The following PCDHGB7 variants were observed in gnomAD, a reference collection of about 807,000 sequenced individuals.
PCDHGB7 encodes protocadherin gamma subfamily B, 7.
In PCDHGB7, 37 loss-of-function variants were observed where a neutral mutation model predicts 61.4. That is an observed-to-expected ratio of 0.60 (90% confidence interval 0.46 to 0.79). PCDHGB7 has a LOEUF of 0.79. Ranked by LOEUF, PCDHGB7 falls within the 30% of genes least tolerant of loss-of-function variation. The pLI, the probability that PCDHGB7 is intolerant of heterozygous loss-of-function variation, is 0.00. For synonymous variants in PCDHGB7, 464 were observed against 503.5 expected (o/e 0.92, Z 1.05); for missense variants, 1,166 against 1,202.5 (o/e 0.97, Z 0.45).
In PCDHGB7 at chr5:141,419,330, C is replaced by T; in HGVS notation, c.1471C>T (p.Leu491Phe). 1.2e-6 allele frequency: 2 copies of T among 1,613,956 alleles called. No individual in the cohort carries two copies. Among genetic ancestry groups the T allele is most frequent in the South Asian group, 1.1e-5 (1 of 91,090 alleles). Residue 491 changes from leucine to phenylalanine, a missense_variant, in exon 1 of 4, where the codon CTC becomes TTC. By Grantham distance (22) the Leu-to-Phe change is conservative. Transcript: ENST00000398594. Reference sequence around the variant, plus strand: ...GCTCAACGGCCGTGTCTCCTACTCTCTCATTGCCAGCGACCTGGAGTCACG... The same window carrying T: ...GCTCAACGGCCGTGTCTCCTACTCTTTCATTGCCAGCGACCTGGAGTCACG... ...FGLNGRVSYS[L>F]IASDLESRTL...
At chr5:141,430,140 A>C (rs1295602149) in intron 1 of PCDHGB7, among the ~76,000 whole-genome samples, 1 of 152,202 alleles carries the variant, frequency 6.6e-6, no homozygotes, top group Non-Finnish European at 1.5e-5. Context: ...CCTTCCATTC[A>C]GGATCATTCA....
chr5:141,508,550 G>T (rs1440375100), intron 3 of PCDHGB7, among the ~76,000 whole-genome samples: 3 of 152,138 alleles, frequency 2.0e-5, no homozygotes, highest in Non-Finnish European at 1.5e-5. Flanking sequence ...GGTGGGCGGG[G>T]GATGGCTTTG....
rs966291038 is a variant in PCDHGB7, at chr5:141,487,740, G to A, written c.2416-7067G>A. 4 of 1,562,290 alleles carry A rather than the reference G, an allele frequency of 2.6e-6. No individual in the cohort carries two copies. The highest frequency in any genetic ancestry group is 1.7e-6 in the Non-Finnish European group (2 of 1,151,972). On this transcript the variant is annotated intron_variant, in intron 1 of 3. Transcript: ENST00000398594. The surrounding 1 kb of genome is among the most constrained non-coding windows in gnomAD (Gnocchi z 5.0). ...CATAGTGATGTCACCATTTTTGTAAGAGGTAACTATGTGGTAGACGCTGTG... is the reference window on the plus strand; with the variant it reads ...CATAGTGATGTCACCATTTTTGTAAAAGGTAACTATGTGGTAGACGCTGTG...
chr5:141,468,809 T>A (rs1473677700), intron 1 of PCDHGB7, among the ~76,000 whole-genome samples: 1 of 151,850 alleles, frequency 6.6e-6, no homozygotes, highest in Admixed American at 6.6e-5. Flanking sequence ...GAACTTGCAG[T>A]GAGCCAAGAT....
chr5:141,511,342 C>T lies in PCDHGB7; in HGVS notation c.*169C>T. On this transcript the variant is annotated 3_prime_UTR_variant, in exon 4 of 4. Transcript: ENST00000398594. The stretch of plus-strand genomic sequence containing the variant: ...AACAAGTGCCCAGTCAGCACCTACC[C>T]CTTCCCCCCCAGGGGGTTGAATATG... The T allele has an allele frequency of 7.0e-7, 1 of 1,425,078 alleles. No individual in the cohort carries two copies. Among genetic ancestry groups the T allele is most frequent in the East Asian group, 2.5e-5 (1 of 40,014 alleles). 88.3% of individuals were successfully genotyped at this position (1,425,078 alleles called of 1,614,324 possible). A position where few individuals can be genotyped will look rare whatever the true frequency, so the allele number is the denominator to read the frequency against.
Position 141,477,966 on chromosome 5 carries a change from G to A in PCDHGB7, c.2416-16841G>A, listed in dbSNP as rs2099426792. 6.2e-7 allele frequency: 1 copy of A among 1,614,118 alleles called. No individual in the cohort carries two copies. The highest frequency in any genetic ancestry group is 8.5e-7 in the Non-Finnish European group (1 of 1,180,036). ...AGTCTCTTGGGATCCCCTAACCAGAGCCTTTTTGCCATAGGGCTGCACACT... is the reference window on the plus strand; with the variant it reads ...AGTCTCTTGGGATCCCCTAACCAGAACCTTTTTGCCATAGGGCTGCACACT... On this transcript the variant is annotated intron_variant, in intron 1 of 3. Transcript: ENST00000398594. This position sits in a 1 kb window ranked among gnomAD's most constrained non-coding sequence, Gnocchi z 4.9.
Position 141,489,900 on chromosome 5 carries a change from A to T in PCDHGB7, c.2416-4907A>T. ...TTACTGCTGTGGATGGGGGGACCCC[A>T]GCCCGCTCAGGGACCACCCTTATCT... On this transcript the variant is annotated intron_variant, in intron 1 of 3. Coordinates refer to ENST00000398594, the MANE Select transcript of PCDHGB7 (RefSeq NM_018927.4). This position sits in a 1 kb window ranked among gnomAD's most constrained non-coding sequence, Gnocchi z 4.5. The T allele has an allele frequency of 6.2e-7, 1 of 1,614,254 alleles. No homozygotes were observed. The highest frequency in any genetic ancestry group is 8.5e-7 in the Non-Finnish European group (1 of 1,180,044).
intron 1 of PCDHGB7, among the ~76,000 whole-genome samples, chr5:141,465,824 T>A (rs1447359333): frequency 6.6e-6 from 1 of 152,076 alleles, no homozygotes; most frequent in Non-Finnish European, 1.5e-5. Context: ...ATCACATTTG[T>A]TTAAAATTTC....
At chr5:141,433,004 T>G (rs368646186) in intron 1 of PCDHGB7, 48 of 1,614,028 alleles carry the variant, frequency 3.0e-5, no homozygotes, top group Non-Finnish European at 3.4e-5. Context: ...GGTGCAGGCT[T>G]TCCTGCAGAC....
Position 141,477,143 on chromosome 5 carries a change from G to A in PCDHGB7, c.2416-17664G>A. Reference sequence around the variant, plus strand: ...ACATTGCAAAGTGTTGGTGGAGGTTGTGGATGTGAATGACAACGCCCCGGA... The same window carrying A: ...ACATTGCAAAGTGTTGGTGGAGGTTATGGATGTGAATGACAACGCCCCGGA... On this transcript the variant is annotated intron_variant, in intron 1 of 3. Transcript: ENST00000398594. This position sits in a 1 kb window ranked among gnomAD's most constrained non-coding sequence, Gnocchi z 4.9. 6.2e-7 allele frequency: 1 copy of A among 1,614,198 alleles called. No individual in the cohort carries two copies. Among genetic ancestry groups the A allele is most frequent in the Non-Finnish European group, 8.5e-7 (1 of 1,180,036 alleles).
rs373882091 is a variant in PCDHGB7 at position 141,432,369 on chromosome 5, A to T, written c.2415+12095A>T. 1.2e-6 allele frequency: 2 copies of T among 1,614,104 alleles called. No homozygotes were observed. Among genetic ancestry groups the T allele is most frequent in the African/African-American group, 2.7e-5 (2 of 74,938 alleles). On this transcript the variant is annotated intron_variant, in intron 1 of 3. Transcript: ENST00000398594. The surrounding 1 kb of genome is among the most constrained non-coding windows in gnomAD (Gnocchi z 6.0). Reference sequence around the variant, plus strand: ...CAAGTGAAAGTGATGGCGCGGGACAACGGGCACCCGCCCCTCAGCAGCAAC... The same window carrying T: ...CAAGTGAAAGTGATGGCGCGGGACATCGGGCACCCGCCCCTCAGCAGCAAC...
At chr5:141,461,963 C>T (rs1396490046) in intron 1 of PCDHGB7, among the ~76,000 whole-genome samples, 1 of 152,084 alleles carries the variant, frequency 6.6e-6, no homozygotes, top group Non-Finnish European at 1.5e-5. Flanking sequence ...AGCTGGGATT[C>T]CAGGCATATG....
Position 141,499,370 on chromosome 5 carries a change from A to T in PCDHGB7, c.2474+4505A>T, listed in dbSNP as rs546430948. ...CATTCAACAAACAAATAGCAACTTA[A>T]TTTTTTTCCACTTATAAAATAGTAC... On this transcript the variant is annotated intron_variant, in intron 2 of 3. Coordinates refer to ENST00000398594, the MANE Select transcript of PCDHGB7 (RefSeq NM_018927.4). 2.0e-3 allele frequency among the ~76,000 whole-genome samples: 300 copies of T among 152,286 alleles called. 1 individual carries two copies. The highest frequency in any genetic ancestry group is 2.7e-3 in the Non-Finnish European group (184 of 68,028).
intron 1 of PCDHGB7, chr5:141,422,813 TAGAACTG>T: frequency 6.2e-7 from 1 of 1,614,192 alleles, no homozygotes; most frequent in Non-Finnish European, 8.5e-7. Flanking sequence ...TTTCGAGACT[TAGAACTG>T]AGAGTGATAG....
intron 1 of PCDHGB7, among the ~76,000 whole-genome samples, chr5:141,456,287 C>T (rs951430060): frequency 1.3e-5 from 2 of 152,048 alleles, no homozygotes; most frequent in Non-Finnish European, 2.9e-5. Flanking sequence ...TGAAAAGGGG[C>T]GTCTAATGGA....
At position 141,491,613 on chromosome 5, in the gene PCDHGB7, A is replaced by AC; in HGVS notation, c.2416-3190dup. On this transcript the variant is annotated intron_variant, in intron 1 of 3. Coordinates refer to ENST00000398594, the MANE Select transcript of PCDHGB7 (RefSeq NM_018927.4). The surrounding 1 kb of genome is among the most constrained non-coding windows in gnomAD (Gnocchi z 6.9). Reference sequence around the variant, plus strand: ...ACGGCAGTGACTTCACTTTTCTAAGACCCCTCAGCGTTCAGCAGCCCACAG... The same window carrying AC: ...ACGGCAGTGACTTCACTTTTCTAAGACCCCCTCAGCGTTCAGCAGCCCACAG... 6.2e-7 allele frequency: 1 copy of AC among 1,613,568 alleles called. No homozygotes were observed. Among genetic ancestry groups the AC allele is most frequent in the Non-Finnish European group, 8.5e-7 (1 of 1,179,968 alleles).
rs1161188105 is a variant in PCDHGB7, at chr5:141,427,974, G to A, written c.2415+7700G>A. 9 of 1,594,458 alleles carry A rather than the reference G, an allele frequency of 5.6e-6. No individual in the cohort carries two copies. In the Admixed American group the frequency reaches 1.5e-4, roughly 27 times the overall value. ...CAATGTGCCGCGGGTGCTGTACCCC[G>A]CGCTGGGGCCCGATGGCTCCGCACT... On this transcript the variant is annotated intron_variant, in intron 1 of 3. Transcript: ENST00000398594.
intron 1 of PCDHGB7, among the ~76,000 whole-genome samples, chr5:141,439,422 A>C (rs1476209707): frequency 6.6e-6 from 1 of 152,188 alleles, no homozygotes; most frequent in Non-Finnish European, 1.5e-5. Context: ...TGAGGTTATA[A>C]ATTCCCAGGA....
In PCDHGB7 at chr5:141,490,673, C is replaced by T; in HGVS notation, c.2416-4134C>T. ...GGCTCCCTTCTTTGCACTGTGGCTG[C>T]CTCAGATCCAGACACTGGGGATAAT... On this transcript the variant is annotated intron_variant, in intron 1 of 3. Coordinates refer to ENST00000398594, the MANE Select transcript of PCDHGB7 (RefSeq NM_018927.4). This position sits in a 1 kb window ranked among gnomAD's most constrained non-coding sequence, Gnocchi z 5.4. 1.2e-6 allele frequency: 2 copies of T among 1,614,126 alleles called. No homozygotes were observed. The highest frequency in any genetic ancestry group is 1.7e-6 in the Non-Finnish European group (2 of 1,179,952).
Sources: gnomAD v4.1 joint callset for allele counts (sites outside exome capture counted in the v4.1 genomes callset) on GRCh38, gnomAD v4.1.1 for gene constraint, Gnocchi (gnomAD v3.1) non-coding constraint, MANE v1.5 for transcripts, NCBI Gene and HGNC (gene_info 2026-07-23, HGNC 2026-07-21) for gene names.